GPR161: variants seen among roughly 807,000 people sequenced by gnomAD.
The protein encoded by GPR161 is G-protein coupled receptor RE2.
Under a neutral mutation model 39.2 loss-of-function variants are expected in GPR161, and 25 were observed. That is an observed-to-expected ratio of 0.64 (90% confidence interval 0.47 to 0.89). GPR161 has a LOEUF of 0.89. GPR161 is among the 40% of genes least tolerant of loss of function. GPR161 has a pLI of 0.00. For synonymous variants in GPR161, 286 were observed against 276.6 expected (o/e 1.03, Z -0.34); for missense variants, 547 against 677.8 (o/e 0.81, Z 2.14).
At chr1:168,117,109 C>G (rs954731084) in intron 1 of GPR161, among the ~76,000 whole-genome samples, 2 of 152,194 alleles carry the variant, frequency 1.3e-5, no homozygotes, top group African/African-American at 4.8e-5. Flanking sequence ...CTGCAACCCT[C>G]TCCACAAGGG....
rs192016882 is a variant in GPR161, at chr1:168,120,060, C to A, written c.-44-15166G>T. 7.0e-3 allele frequency among the ~76,000 whole-genome samples: 1,071 copies of A among 152,336 alleles called. 8 individuals are homozygous for A. The highest frequency in any genetic ancestry group is 0.014 in the Middle Eastern group (4 of 294). On this transcript the variant is annotated intron_variant, in intron 1 of 5. Transcript: ENST00000682931. ...TAGTGAAGATGTGTGAAGAGGACCA[C>A]CATCCTCCAGACCCCAGAAAGATAG...
In GPR161 at chr1:168,097,243, G is replaced by A. The variant is rs757685469; in HGVS notation, c.375-11C>T. The A allele has an allele frequency of 7.5e-6, 12 of 1,597,194 alleles. No individual in the cohort carries two copies. The highest frequency in any genetic ancestry group is 1.0e-5 in the Non-Finnish European group (12 of 1,168,578). On this transcript the variant is annotated splice_polypyrimidine_tract_variant and intron_variant, in intron 2 of 5. Coordinates refer to ENST00000682931, the MANE Select transcript of GPR161 (RefSeq NM_001375883.1). ...AGGACAGCATAGTAGCTAGAAAAGG[G>A]ATGGAGGGAGGCAAGAGAGAGAAGT...
chr1:168,135,422 G>C (rs1335917195), intron 1 of GPR161, among the ~76,000 whole-genome samples: 1 of 152,202 alleles, frequency 6.6e-6, no homozygotes, highest in South Asian at 2.1e-4. Flanking sequence ...AGGAGGACCG[G>C]AAGAGAGGTG....
intron 1 of GPR161, among the ~76,000 whole-genome samples, chr1:168,107,888 A>C (rs1430430802): frequency 2.0e-5 from 3 of 152,252 alleles, no homozygotes; most frequent in African/African-American, 7.2e-5. Context: ...ACTTCCAGTA[A>C]ATGCAACTGG....
Position 168,102,950 on chromosome 1 carries a change from A to G in GPR161, c.374+1527T>C, listed in dbSNP as rs148810018. Among the ~76,000 whole-genome samples the G allele has an allele frequency of 2.3e-3, 351 of 152,276 alleles. 2 individuals carry two copies. Among genetic ancestry groups the G allele is most frequent in the African/African-American group, 7.9e-3 (328 of 41,560 alleles). On this transcript the variant is annotated intron_variant, in intron 2 of 5. Transcript: ENST00000682931. ...TATAATCAGTCCTGATAGGCTATTG[A>G]CAAACAGCTGCTGAAATACAAATTT...
intron 1 of GPR161, among the ~76,000 whole-genome samples, chr1:168,119,934 C>T (rs1337113654): frequency 1.3e-5 from 2 of 152,192 alleles, no homozygotes; most frequent in African/African-American, 4.8e-5. Context: ...AATGTCCAGG[C>T]AGAAGTCTGC....
chr1:168,132,017 C>A (rs1699027305), intron 1 of GPR161, among the ~76,000 whole-genome samples: 1 of 152,220 alleles, frequency 6.6e-6, no homozygotes, highest in African/African-American at 2.4e-5. Flanking sequence ...GTAATTCCAG[C>A]ATTTTGGGAG....
intron 5 of GPR161, among the ~76,000 whole-genome samples, 195 bp from the exon 6 acceptor site, chr1:168,085,991 T>G (rs569032631): frequency 3.9e-5 from 6 of 152,160 alleles, no homozygotes; most frequent in Non-Finnish European, 4.4e-5. Flanking sequence ...AAAAAGTATC[T>G]AATCTAGCCT....
At position 168,104,757 on chromosome 1, in the gene GPR161, T is replaced by G. The variant is rs1252473426; in HGVS notation, c.94A>C (p.Ile32Leu). The G allele has an allele frequency of 1.9e-6, 3 of 1,614,088 alleles. No homozygotes were observed. The East Asian group carries it at 6.7e-5, about 36-fold the overall frequency. ...AAAATGGTGATGACAATGATGGCGA[T>G]GAACTGGGTGATGATGACGCCCCCT... is the stretch of plus-strand genomic sequence containing the variant. ...GEGGVIITQF[I>L]AIIVITIFVC... The change falls in exon 2 of 6, where the codon ATC (isoleucine) becomes CTC (leucine). Residue 32 changes from isoleucine to leucine, a missense_variant. Physicochemically the swap from Ile to Leu is conservative, Grantham distance 5 (BLOSUM62 2). Transcript: ENST00000682931.
At chr1:168,109,474 A>G (rs866737795) in intron 1 of GPR161, among the ~76,000 whole-genome samples, 8 of 152,226 alleles carry the variant, frequency 5.3e-5, no homozygotes, top group African/African-American at 1.7e-4. Flanking sequence ...TACAAGGCAG[A>G]GAACTGGAAC....
intron 1 of GPR161, among the ~76,000 whole-genome samples, chr1:168,127,501 T>G (rs1232318092): frequency 6.6e-6 from 1 of 151,812 alleles, no homozygotes; most frequent in Non-Finnish European, 1.5e-5. Context: ...AAAAAAAAAT[T>G]TAGTTAAAGA....
rs1694080996 is a variant in GPR161 at position 168,081,620 on chromosome 1, C to G, written c.*3911G>C. On this transcript the variant is annotated 3_prime_UTR_variant, in exon 6 of 6. Transcript: ENST00000682931. ...AAACTTCCCTTCACAGATGAGGAAACTCATAAGTAGTGACTTGTTTGAAAA... is the reference window on the plus strand; with the variant it reads ...AAACTTCCCTTCACAGATGAGGAAAGTCATAAGTAGTGACTTGTTTGAAAA... The G allele has an allele frequency of 6.6e-6, 1 of 152,214 alleles. No homozygotes were observed. The highest frequency in any genetic ancestry group is 1.5e-5 in the Non-Finnish European group (1 of 68,046). The allele number at this position is 152,214 out of a possible 1,614,324, so 9.4% of individuals were successfully genotyped here.
chr1:168,087,790 CT>C, intron 4 of GPR161, 86 bp from the exon 5 acceptor site: 1 of 1,367,448 alleles, frequency 7.3e-7, no homozygotes, highest in Non-Finnish European at 1.0e-6. Context: ...CCTTCCACCC[CT>C]CTTCTCCCGT....
intron 2 of GPR161, among the ~76,000 whole-genome samples, chr1:168,100,013 C>T (rs1451779407): frequency 6.6e-6 from 1 of 151,610 alleles, no homozygotes; most frequent in African/African-American, 2.4e-5. Context: ...CCAGACTGGG[C>T]AACATAAGGA....
chr1:168,132,416 T>A (rs1215418559), intron 1 of GPR161, among the ~76,000 whole-genome samples: 2 of 150,048 alleles, frequency 1.3e-5, no homozygotes, highest in African/African-American at 4.9e-5. Context: ...TGAAACCCCG[T>A]CTCTACTAAA....
intron 1 of GPR161, among the ~76,000 whole-genome samples, chr1:168,131,823 A>G (rs1699011925): frequency 6.6e-6 from 1 of 152,246 alleles, no homozygotes; most frequent in Non-Finnish European, 1.5e-5. Flanking sequence ...GAAAAGGATT[A>G]AAGACCAGAA....
intron 1 of GPR161, among the ~76,000 whole-genome samples, chr1:168,110,189 T>G (rs943253415): frequency 2.9e-4 from 43 of 150,752 alleles, no homozygotes; most frequent in African/African-American, 8.5e-4. Flanking sequence ...AGAACTGACT[T>G]CCAAAAACTT....
rs1694279535 is a variant in GPR161 at position 168,084,328 on chromosome 1, T to C, written c.*1203A>G. 1 of 189,820 alleles carries C rather than the reference T, an allele frequency of 5.3e-6. No individual in the cohort carries two copies. The highest frequency in any genetic ancestry group is 5.3e-5 in the Admixed American group (1 of 18,804). 11.8% of individuals were successfully genotyped at this position (189,820 alleles called of 1,614,324 possible). A position where few individuals can be genotyped will look rare whatever the true frequency, so the allele number is the denominator to read the frequency against. On this transcript the variant is annotated 3_prime_UTR_variant, in exon 6 of 6. Coordinates refer to ENST00000682931, the MANE Select transcript of GPR161 (RefSeq NM_001375883.1). ...CGGTCCGTGGGTCTGCTTTTGTGTT[T>C]TACCTATCTCTGCTTTACAAATCCT... is the stretch of plus-strand genomic sequence containing the variant.
chr1:168,096,695 G>A lies in GPR161; in HGVS notation c.912C>T (p.Ser304=), dbSNP rs1189540985. 1 of 1,614,080 alleles carries A rather than the reference G, an allele frequency of 6.2e-7. No individual in the cohort carries two copies. The highest frequency in any genetic ancestry group is 1.7e-5 in the Admixed American group (1 of 60,028). ...ALWGKSSVSP[S]LETWATWLSF... ...ACAGCCATGTGGCCCAAGTCTCCAG[G>A]CTCGGGGAGACGGAGCTTTTCCCCC... The change falls in exon 3 of 6, where the codon AGC becomes AGT. Residue 304 remains serine (S), a synonymous_variant. Transcript: ENST00000682931.
Sources: allele counts gnomAD v4.1 joint callset (sites outside exome capture counted in the v4.1 genomes callset), GRCh38; gene constraint gnomAD v4.1.1; transcripts MANE v1.5; gene names NCBI Gene and HGNC (gene_info 2026-07-23, HGNC 2026-07-21).